The following BRINP3 variants were observed in gnomAD, a reference collection of about 807,000 sequenced individuals.
BRINP3 encodes BMP/retinoic acid-inducible neural-specific protein 3.
BRINP3 carries 19 observed loss-of-function variants against 71.0 expected under a neutral mutation model. That is an observed-to-expected ratio of 0.27 (90% CI 0.19 to 0.39). The LOEUF (loss-of-function observed/expected upper bound fraction) is 0.39. BRINP3 is among the 10% of genes least tolerant of loss of function. The pLI is 1.00. For synonymous variants in BRINP3, 380 were observed against 337.7 expected (o/e 1.13, Z -1.37); for missense variants, 959 against 940.8 (o/e 1.02, Z -0.25).
At chr1:190,231,613 G>C (rs1335038831) in intron 5 of BRINP3, among the ~76,000 whole-genome samples, 2 of 151,718 alleles carry the variant, frequency 1.3e-5, no homozygotes, top group Non-Finnish European at 3.0e-5. Flanking sequence ...GAAAAAAATT[G>C]AAGTATTATT....
At chr1:190,419,688 TATAC>T (rs1673234969) in intron 2 of BRINP3, among the ~76,000 whole-genome samples, 1 of 91,206 alleles carries the variant, frequency 1.1e-5, no homozygotes, top group Non-Finnish European at 2.4e-5. Flanking sequence ...CATATACATT[TATAC>T]ACACACACAC....
chr1:190,177,733 T>C (rs2102523231), intron 6 of BRINP3, among the ~76,000 whole-genome samples: 1 of 152,306 alleles, frequency 6.6e-6, no homozygotes, highest in African/African-American at 2.4e-5. Context: ...CTAAGTTCTC[T>C]TGGGAATAAA....
At chr1:190,144,663 C>G (rs1003406483) in intron 7 of BRINP3, among the ~76,000 whole-genome samples, 1 of 152,026 alleles carries the variant, frequency 6.6e-6, no homozygotes, top group East Asian at 1.9e-4. Context: ...ATATTTCTAA[C>G]CTTCTAAAGT....
intron 7 of BRINP3, among the ~76,000 whole-genome samples, chr1:190,141,728 T>A (rs1655467809): frequency 6.6e-6 from 1 of 151,704 alleles, no homozygotes; most frequent in Non-Finnish European, 1.5e-5. Context: ...CTGGGCTAAT[T>A]TTTGTATTTT....
At chr1:190,222,749 T>C (rs1291438710) in intron 6 of BRINP3, among the ~76,000 whole-genome samples, 1 of 151,704 alleles carries the variant, frequency 6.6e-6, no homozygotes, top group African/African-American at 2.4e-5. Context: ...TAGAAAAAGT[T>C]GGGTTTTTGA....
intron 1 of BRINP3, among the ~76,000 whole-genome samples, chr1:190,465,325 G>C (rs926404785): frequency 3.3e-5 from 5 of 151,842 alleles, no homozygotes; most frequent in Admixed American, 2.6e-4. Flanking sequence ...ATAAAGTATA[G>C]GGAACGCTTT....
intron 7 of BRINP3, among the ~76,000 whole-genome samples, chr1:190,147,298 T>A (rs1387077715): frequency 2.0e-5 from 3 of 152,246 alleles, no homozygotes; most frequent in Non-Finnish European, 2.9e-5. Context: ...TAAACAAGGA[T>A]AAACAATAAG....
At chr1:190,456,902 T>G (rs1676031052) in intron 1 of BRINP3, among the ~76,000 whole-genome samples, 1 of 152,148 alleles carries the variant, frequency 6.6e-6, no homozygotes, top group Non-Finnish European at 1.5e-5. Context: ...GAATAAAACT[T>G]CAGTCACACC....
intron 4 of BRINP3, among the ~76,000 whole-genome samples, chr1:190,251,451 C>G (rs1289309993): frequency 1.3e-5 from 2 of 151,838 alleles, no homozygotes; most frequent in African/African-American, 2.4e-5. Context: ...ACAATCAATA[C>G]GTAGTGATAT....
intron 6 of BRINP3, among the ~76,000 whole-genome samples, chr1:190,195,645 C>T (rs815330): frequency 0.13 from 20,456 of 151,950 alleles, 1,592 homozygotes; most frequent in African/African-American, 0.21. Context: ...ATACCTATGC[C>T]TAATTTCGTC....
chr1:190,423,507 C>A (rs756303037), intron 2 of BRINP3, among the ~76,000 whole-genome samples: 1 of 151,726 alleles, frequency 6.6e-6, no homozygotes, highest in Non-Finnish European at 1.5e-5. Context: ...AATACTATGG[C>A]ACTGGCAGCA....
chr1:190,181,246 A>G (rs1653007156), intron 6 of BRINP3, among the ~76,000 whole-genome samples: 1 of 152,098 alleles, frequency 6.6e-6, no homozygotes, highest in African/African-American at 2.4e-5. Flanking sequence ...TATACATTCA[A>G]AATGTTCATT....
chr1:190,374,312 GTCTA>G (rs1247970541), intron 2 of BRINP3, among the ~76,000 whole-genome samples: 4 of 152,024 alleles, frequency 2.6e-5, no homozygotes, highest in African/African-American at 9.7e-5. Flanking sequence ...CTGACTATCT[GTCTA>G]TCTATCTATG....
intron 4 of BRINP3, among the ~76,000 whole-genome samples, chr1:190,244,658 T>C (rs1289186987): frequency 6.6e-6 from 1 of 152,088 alleles, no homozygotes; most frequent in African/African-American, 2.4e-5. Context: ...ACGAACAGTC[T>C]TTCCATAAGA....
chr1:190,287,000 C>G (rs1246110510), intron 2 of BRINP3, among the ~76,000 whole-genome samples: 1 of 151,514 alleles, frequency 6.6e-6, no homozygotes, highest in Non-Finnish European at 1.5e-5. Flanking sequence ...GGACGGATCA[C>G]TTCAGGTCAG....
At chr1:190,317,222 A>G (rs1056936914) in intron 2 of BRINP3, among the ~76,000 whole-genome samples, 1 of 151,864 alleles carries the variant, frequency 6.6e-6, no homozygotes, top group Non-Finnish European at 1.5e-5. Context: ...TTAAAAAACA[A>G]CAATTACTCT....
At chr1:190,206,406 G>A (rs927063704) in intron 6 of BRINP3, among the ~76,000 whole-genome samples, 1 of 151,924 alleles carries the variant, frequency 6.6e-6, no homozygotes, top group Non-Finnish European at 1.5e-5. Flanking sequence ...AAAAGCTCAA[G>A]GTGTGTGACA....
chr1:190,113,155 A>G (rs1652836025), intron 7 of BRINP3, among the ~76,000 whole-genome samples: 1 of 152,142 alleles, frequency 6.6e-6, no homozygotes, highest in Non-Finnish European at 1.5e-5. Flanking sequence ...TAAAAAAGCA[A>G]TAATCAATTG....
chr1:190,397,510 A>C (rs1230155139), intron 2 of BRINP3, among the ~76,000 whole-genome samples: 1 of 151,922 alleles, frequency 6.6e-6, no homozygotes, highest in East Asian at 1.9e-4. Context: ...GTCTGAAAAC[A>C]ATCAGTTGTG....
Sources: gnomAD v4.1 joint callset for allele counts (sites outside exome capture counted in the v4.1 genomes callset) on GRCh38, gnomAD v4.1.1 for gene constraint, MANE v1.5 for transcripts, NCBI Gene and HGNC (gene_info 2026-07-23, HGNC 2026-07-21) for gene names.